The following HAPSTR1 variants were observed in gnomAD, a reference collection of about 807,000 sequenced individuals.
HAPSTR1 encodes the protein HUWE1-associated protein modifying stress responses 1.
At chr16:9,094,028 G>A in the HAPSTR1 span, among the ~76,000 whole-genome samples, 5 of 152,062 alleles carry the variant, frequency 3.3e-5, no homozygotes, top group African/African-American at 4.8e-5. Flanking sequence ...GTTGAAACGG[G>A]CTATGAAGGT....
At chr16:9,112,393 T>G in the HAPSTR1 span, 2 of 152,274 alleles carry the variant, frequency 1.3e-5, no homozygotes, top group Non-Finnish European at 2.9e-5. Flanking sequence ...GGAGATACAC[T>G]GGTGGAACAA....
the HAPSTR1 span, chr16:9,116,556 A>G: frequency 2.9e-6 from 4 of 1,377,344 alleles, no homozygotes; most frequent in Non-Finnish European, 4.0e-6. Flanking sequence ...AATCCCTTAT[A>G]AAGGAAATAG....
At chr16:9,092,747 C>G in the HAPSTR1 span, among the ~76,000 whole-genome samples, 4 of 152,214 alleles carry the variant, frequency 2.6e-5, no homozygotes, top group Admixed American at 6.5e-5. Context: ...TCCCTGCCCC[C>G]CCGGTCCTCA....
At chr16:9,094,086 G>A in the HAPSTR1 span, among the ~76,000 whole-genome samples, 1 of 152,092 alleles carries the variant, frequency 6.6e-6, no homozygotes, top group Non-Finnish European at 1.5e-5. Flanking sequence ...ATGTGCAAAT[G>A]GCCGCAGCAT....
chr16:9,102,386 G>C, the HAPSTR1 span, among the ~76,000 whole-genome samples: 2 of 152,156 alleles, frequency 1.3e-5, no homozygotes, highest in Non-Finnish European at 2.9e-5. Flanking sequence ...ATTTAGTCTA[G>C]GAGATCTGTT....
chr16:9,094,833 A>G, the HAPSTR1 span, among the ~76,000 whole-genome samples: 3 of 152,248 alleles, frequency 2.0e-5, no homozygotes, highest in Non-Finnish European at 1.5e-5. Context: ...CCTAGGCCGT[A>G]TAAAATGGGA....
the HAPSTR1 span, chr16:9,092,030 G>C: frequency 1.1e-5 from 17 of 1,494,826 alleles, no homozygotes; most frequent in African/African-American, 1.9e-4. Flanking sequence ...GCGAGGCCGC[G>C]GGAGGCCGCG....
chr16:9,107,210 A>T, the HAPSTR1 span: 1 of 152,250 alleles, frequency 6.6e-6, no homozygotes, highest in Non-Finnish European at 1.5e-5. Flanking sequence ...CCCCAACAGC[A>T]GAATGACTCA....
At chr16:9,093,751 G>A in the HAPSTR1 span, among the ~76,000 whole-genome samples, 1 of 152,046 alleles carries the variant, frequency 6.6e-6, no homozygotes, top group Non-Finnish European at 1.5e-5. Flanking sequence ...AGATGTGTAA[G>A]TAAACGTTCT....
At chr16:9,095,873 C>T in the HAPSTR1 span, among the ~76,000 whole-genome samples, 1 of 147,238 alleles carries the variant, frequency 6.8e-6, no homozygotes, top group African/African-American at 2.5e-5. Context: ...GGAAGGAAGC[C>T]AAAATACTGA....
chr16:9,116,818 A>G, the HAPSTR1 span: 1 of 1,614,214 alleles, frequency 6.2e-7, no homozygotes, highest in East Asian at 2.2e-5. Context: ...ATGGCACTCC[A>G]CTTGGACAAT....
the HAPSTR1 span, chr16:9,092,139 C>T: frequency 1.9e-6 from 3 of 1,556,452 alleles, no homozygotes; most frequent in East Asian, 2.4e-5. Context: ...CTGGCCGAGG[C>T]CGAACAGGAC....
the HAPSTR1 span, among the ~76,000 whole-genome samples, chr16:9,101,191 T>G: frequency 6.6e-6 from 1 of 152,244 alleles, no homozygotes; most frequent in East Asian, 1.9e-4. Context: ...CAAGGTCATC[T>G]TTAGGTTTGT....
At chr16:9,099,782 C>A in the HAPSTR1 span, among the ~76,000 whole-genome samples, 11 of 152,290 alleles carry the variant, frequency 7.2e-5, no homozygotes, top group East Asian at 1.9e-4. Flanking sequence ...ATCCACTGTA[C>A]ACTAGTTTGT....
At chr16:9,118,841 CAT>C in the HAPSTR1 span, 5 of 152,654 alleles carry the variant, frequency 3.3e-5, no homozygotes, top group African/African-American at 1.2e-4. Context: ...TGGAGGAACA[CAT>C]ATTTAATTCC....
the HAPSTR1 span, chr16:9,106,381 A>G: frequency 0.73 from 110,266 of 150,856 alleles, 40,738 homozygotes; most frequent in African/African-American, 0.83. Context: ...CTGGGTTCAA[A>G]TGATTCTCGT....
chr16:9,099,784 C>G, the HAPSTR1 span, among the ~76,000 whole-genome samples: 1 of 152,168 alleles, frequency 6.6e-6, no homozygotes, highest in African/African-American at 2.4e-5. Flanking sequence ...CCACTGTACA[C>G]TAGTTTGTCC....
chr16:9,101,598 C>T, the HAPSTR1 span, among the ~76,000 whole-genome samples: 1 of 152,090 alleles, frequency 6.6e-6, no homozygotes, highest in African/African-American at 2.4e-5. Context: ...GGACAATATC[C>T]TTGTTTTTCT....
the HAPSTR1 span, chr16:9,105,927 C>G: frequency 6.6e-6 from 1 of 152,170 alleles, no homozygotes; most frequent in Non-Finnish European, 1.5e-5. Context: ...TTCCTTACCC[C>G]TACCCCCATC....
Sources: allele counts gnomAD v4.1 joint callset (sites outside exome capture counted in the v4.1 genomes callset), GRCh38; gene constraint gnomAD v4.1.1; transcripts MANE v1.5; gene names NCBI Gene and HGNC (gene_info 2026-07-23, HGNC 2026-07-21).